NTRK3: variants seen among roughly 807,000 people sequenced by gnomAD.
The protein encoded by NTRK3 is NT-3 growth factor receptor.
NTRK3 carries 24 observed loss-of-function variants against 91.7 expected under a neutral mutation model. The ratio of observed to expected loss-of-function variants is 0.26; its 90% CI spans 0.19 to 0.37. NTRK3 has a LOEUF of 0.37. NTRK3 is among the 10% of genes least tolerant of loss of function. NTRK3 has a pLI of 1.00. For missense variants in NTRK3, 880 were observed against 1,068.9 expected (o/e 0.82, Z 2.46); for synonymous variants, 483 against 404.0 (o/e 1.20, Z -2.34).
At chr15:88,079,609 G>T (rs1441630115) in intron 13 of NTRK3, among the ~76,000 whole-genome samples, 1 of 152,174 alleles carries the variant, frequency 6.6e-6, no homozygotes, top group Non-Finnish European at 1.5e-5. Context: ...ACCCTAAAGG[G>T]ATTTAATTTT....
intron 3 of NTRK3, among the ~76,000 whole-genome samples, chr15:88,184,547 T>C (rs147129488): frequency 1.3e-3 from 200 of 152,352 alleles, no homozygotes; most frequent in African/African-American, 4.7e-3. Context: ...ATGGATTGCA[T>C]TGAATGTCTC....
chr15:87,875,266 G>T (rs2064918541), exon 19 of NTRK3: 1 of 229,858 alleles, frequency 4.4e-6, no homozygotes, highest in African/African-American at 2.2e-5. Flanking sequence ...AAGGCAGAGG[G>T]GCCCCGTGGC....
chr15:87,892,591 G>A (rs965105749), intron 17 of NTRK3, among the ~76,000 whole-genome samples: 1 of 151,426 alleles, frequency 6.6e-6, no homozygotes, highest in South Asian at 2.1e-4. Context: ...TTATTTTGTC[G>A]ACGACTTTTT....
chr15:87,903,322 G>A (rs1047764377), intron 17 of NTRK3, among the ~76,000 whole-genome samples: 1 of 152,342 alleles, frequency 6.6e-6, no homozygotes, highest in Non-Finnish European at 1.5e-5. Flanking sequence ...TTGAAGATAA[G>A]ATGCAGACCA....
chr15:88,183,664 C>A (rs1368269774), intron 4 of NTRK3, among the ~76,000 whole-genome samples, 175 bp from the exon 5 acceptor site: 2 of 152,192 alleles, frequency 1.3e-5, no homozygotes, highest in Non-Finnish European at 2.9e-5. Context: ...TCAGTGGAGG[C>A]ACCTGGGCTC....
At chr15:88,103,717 A>C (rs192350857) in intron 13 of NTRK3, among the ~76,000 whole-genome samples, 98 of 152,292 alleles carry the variant, frequency 6.4e-4, no homozygotes, top group Non-Finnish European at 1.1e-3. Flanking sequence ...GTGCCATGCT[A>C]TAAGCCATCC....
At chr15:87,916,118 G>A (rs776777046) in intron 17 of NTRK3, 48 of 230,682 alleles carry the variant, frequency 2.1e-4, no homozygotes, top group East Asian at 6.8e-4. Context: ...TCCTCCTTCC[G>A]TTTAGACACT....
intron 14 of NTRK3, among the ~76,000 whole-genome samples, chr15:88,030,583 C>A (rs992485060): frequency 9.9e-5 from 15 of 152,094 alleles, no homozygotes; most frequent in Non-Finnish European, 1.9e-4. Flanking sequence ...ACAGAGGGAT[C>A]CTCATTATTC....
chr15:88,054,338 C>CT (rs2045498494), intron 13 of NTRK3, among the ~76,000 whole-genome samples: 2 of 152,178 alleles, frequency 1.3e-5, no homozygotes, highest in Admixed American at 6.5e-5. Context: ...AAATTCTGAT[C>CT]TAAGTGTCCT....
chr15:87,911,533 G>A (rs1020497591), intron 17 of NTRK3, among the ~76,000 whole-genome samples: 2 of 152,174 alleles, frequency 1.3e-5, no homozygotes, highest in African/African-American at 4.8e-5. Context: ...CACAATAAGG[G>A]TAACTTCCTG....
intron 5 of NTRK3, among the ~76,000 whole-genome samples, chr15:88,182,339 T>C (rs1298217126): frequency 1.3e-5 from 2 of 152,160 alleles, no homozygotes; most frequent in Non-Finnish European, 2.9e-5. Context: ...CAGGATTCAC[T>C]GTGATCTCTT....
At chr15:88,172,043 G>A (rs1041293785) in intron 5 of NTRK3, among the ~76,000 whole-genome samples, 2 of 152,246 alleles carry the variant, frequency 1.3e-5, no homozygotes, top group Non-Finnish European at 2.9e-5. Flanking sequence ...CAGAGGCAGT[G>A]CATGACTTAC....
At chr15:88,247,090 G>A (rs1225278528) in intron 3 of NTRK3, among the ~76,000 whole-genome samples, 2 of 152,204 alleles carry the variant, frequency 1.3e-5, no homozygotes, top group African/African-American at 4.8e-5. Context: ...GAACACAGAA[G>A]AGACGCACTT....
intron 13 of NTRK3, among the ~76,000 whole-genome samples, chr15:88,045,108 C>G (rs2080054431): frequency 6.6e-6 from 1 of 152,224 alleles, no homozygotes; most frequent in African/African-American, 2.4e-5. Context: ...TTGCCTCCAA[C>G]TAGAATAGTA....
intron 3 of NTRK3, among the ~76,000 whole-genome samples, chr15:88,200,687 C>T (rs975331007): frequency 1.3e-5 from 2 of 152,194 alleles, no homozygotes; most frequent in Admixed American, 1.3e-4. Flanking sequence ...TGAAGCCTCC[C>T]CAGCCATGTG....
At chr15:87,878,343 T>C (rs895515374) in intron 18 of NTRK3, among the ~76,000 whole-genome samples, 1 of 152,214 alleles carries the variant, frequency 6.6e-6, no homozygotes, top group Non-Finnish European at 1.5e-5. Context: ...GTTTCCAGTA[T>C]TGTCTCATGT....
At chr15:88,103,624 AC>A (rs1264991443) in intron 13 of NTRK3, among the ~76,000 whole-genome samples, 1 of 152,084 alleles carries the variant, frequency 6.6e-6, no homozygotes, top group African/African-American at 2.4e-5. Context: ...AATCCCATCT[AC>A]CCGTGGTAGT....
chr15:87,986,869 ACT>A (rs1403285459), intron 14 of NTRK3, among the ~76,000 whole-genome samples: 1 of 152,216 alleles, frequency 6.6e-6, no homozygotes, highest in East Asian at 1.9e-4. Context: ...CTACCACTAA[ACT>A]CTGCCAGTAT....
At chr15:88,180,557 G>A (rs773416091) in intron 5 of NTRK3, among the ~76,000 whole-genome samples, 2 of 152,110 alleles carry the variant, frequency 1.3e-5, no homozygotes, top group Non-Finnish European at 2.9e-5. Flanking sequence ...GCTTAGGGGT[G>A]GGAGACAGTT....
Sources: gnomAD v4.1 joint callset for allele counts (sites outside exome capture counted in the v4.1 genomes callset) on GRCh38, gnomAD v4.1.1 for gene constraint, MANE v1.5 for transcripts, NCBI Gene and HGNC (gene_info 2026-07-23, HGNC 2026-07-21) for gene names.